The following KDM2B variants were observed in gnomAD, a reference collection of about 807,000 sequenced individuals.
KDM2B encodes the protein lysine demethylase 2B, also known as lysine-specific demethylase 2B.
KDM2B carries 26 observed loss-of-function variants against 150.0 expected under a neutral mutation model. That is an observed-to-expected ratio of 0.17 (90% CI 0.13 to 0.24). The LOEUF (loss-of-function observed/expected upper bound fraction) is 0.24, where lower values mean the gene tolerates loss of function less well. Among genes scored for constraint, KDM2B ranks in the 10% least tolerant of loss-of-function variants. The pLI, the probability that KDM2B is intolerant of heterozygous loss-of-function variation, is 1.00. For synonymous variants in KDM2B, 734 were observed against 729.5 expected (o/e 1.01, Z -0.10); for missense variants, 1,265 against 1,816.9 (o/e 0.70, Z 5.52).
chr12:121,414,009 C>T, the KDM2B span, among the ~76,000 whole-genome samples: 1 of 152,228 alleles, frequency 6.6e-6, no homozygotes, highest in Non-Finnish European at 1.5e-5. Flanking sequence ...CTTCTCCTTT[C>T]TTTATAATAC....
Position 121,467,088 on chromosome 12 carries a change from G to A in KDM2B, c.1735-13744C>T, listed in dbSNP as rs1169943730. On this transcript the variant is annotated intron_variant, in intron 12 of 22. Coordinates refer to ENST00000377071, the MANE Select transcript of KDM2B (RefSeq NM_032590.5). The surrounding 1 kb of genome is among the most constrained non-coding windows in gnomAD (Gnocchi z 5.1). ...CGGCGGCGGCGTCGCGGCCGCCCTCGGCGCGTCAGACAGGCGGTCGGGAGG... is the reference window on the plus strand; with the variant it reads ...CGGCGGCGGCGTCGCGGCCGCCCTCAGCGCGTCAGACAGGCGGTCGGGAGG... 2.5e-5 allele frequency: 24 copies of A among 950,670 alleles called. No individual in the cohort carries two copies. The South Asian group carries it at 4.0e-4, about 16-fold the overall frequency. The allele number at this position is 950,670 out of a possible 1,614,324, so 58.9% of individuals were successfully genotyped here. A position where few individuals can be genotyped will look rare whatever the true frequency, so the allele number is the denominator to read the frequency against.
At chr12:121,478,337 C>T (rs1448209271) in intron 12 of KDM2B, among the ~76,000 whole-genome samples, 12 of 150,316 alleles carry the variant, frequency 8.0e-5, no homozygotes, top group Admixed American at 7.4e-4. Context: ...CCCTCTCCTG[C>T]CTACCTCCAC....
intron 4 of KDM2B, among the ~76,000 whole-genome samples, chr12:121,573,587 CT>C (rs35286174): frequency 0.34 from 47,208 of 139,794 alleles, 7,935 homozygotes; most frequent in East Asian, 0.56. Flanking sequence ...CTGTTTACTT[CT>C]TTTTTTTTTT....
At chr12:121,436,225 C>A (rs1338657877) in intron 22 of KDM2B, among the ~76,000 whole-genome samples, 3 of 152,186 alleles carry the variant, frequency 2.0e-5, no homozygotes, top group Non-Finnish European at 4.4e-5. Context: ...ACTAAAAACT[C>A]AGTGTATAAG....
At chr12:121,464,316 G>T (rs782253091) in intron 12 of KDM2B, among the ~76,000 whole-genome samples, 20 of 152,246 alleles carry the variant, frequency 1.3e-4, no homozygotes, top group Non-Finnish European at 2.5e-4. Flanking sequence ...GCAAGCTGAA[G>T]AATTTTCTGA....
rs577827028 is a variant in KDM2B at position 121,453,866 on chromosome 12, C to T, written c.1735-522G>A. 7.2e-5 allele frequency among the ~76,000 whole-genome samples: 11 copies of T among 152,186 alleles called. No individual in the cohort carries two copies. The highest frequency in any genetic ancestry group is 1.0e-4 in the Non-Finnish European group (7 of 68,020). ...AGCCCTAGGAGAGGACGACAGAGGG[C>T]GCGTGCTTCTTGCCGCAGCACACAG... is the stretch of plus-strand genomic sequence containing the variant. On this transcript the variant is annotated intron_variant, in intron 12 of 22. Transcript: ENST00000377071. The surrounding 1 kb of genome is among the most constrained non-coding windows in gnomAD (Gnocchi z 6.4).
At position 121,439,671 on chromosome 12, in the gene KDM2B, C is replaced by T. The variant is rs1051888408; in HGVS notation, c.3829+186G>A. On this transcript the variant is annotated intron_variant, in intron 22 of 22. Coordinates refer to ENST00000377071, the MANE Select transcript of KDM2B (RefSeq NM_032590.5). ...CTGGGATTACGGGCGTGAGCTACCGCACCCGGCCAACAGTAACTCTTTGTT... is the reference window on the plus strand; with the variant it reads ...CTGGGATTACGGGCGTGAGCTACCGTACCCGGCCAACAGTAACTCTTTGTT... Among the ~76,000 whole-genome samples the T allele has an allele frequency of 6.6e-5, 10 of 152,316 alleles. No homozygotes were observed. The South Asian group carries it at 1.9e-3, about 28-fold the overall frequency.
At chr12:121,524,723 G>A (rs976029108) in intron 8 of KDM2B, 3 of 453,092 alleles carry the variant, frequency 6.6e-6, no homozygotes, top group Non-Finnish European at 1.3e-5. Context: ...GAGAGCCGGT[G>A]CTCCCAGGCT....
At chr12:121,483,718 C>CA (rs1468199067) in intron 12 of KDM2B, among the ~76,000 whole-genome samples, 7 of 23,852 alleles carry the variant, frequency 2.9e-4, no homozygotes, top group East Asian at 1.9e-3. Flanking sequence ...ACAACAACAA[C>CA]ACACACACAC....
At chr12:121,464,135 A>G (rs1593837866) in intron 12 of KDM2B, among the ~76,000 whole-genome samples, 1 of 152,182 alleles carries the variant, frequency 6.6e-6, no homozygotes, top group Non-Finnish European at 1.5e-5. Context: ...CAGGAGGCTG[A>G]GGCAGGAGGA....
At position 121,467,542 on chromosome 12, in the gene KDM2B, C is replaced by T. The variant is rs1880228237; in HGVS notation, c.1735-14198G>A. ...CGGCCTGCGGTGACACGGGGGCGGG[C>T]CGCCGAGGGCGGTCCCTCGCGGCCG... On this transcript the variant is annotated intron_variant, in intron 12 of 22. Transcript: ENST00000377071. The surrounding 1 kb of genome is among the most constrained non-coding windows in gnomAD (Gnocchi z 5.1). The T allele has an allele frequency of 6.1e-6, 1 of 162,688 alleles. No homozygotes were observed. Among genetic ancestry groups the T allele is most frequent in the Non-Finnish European group, 1.2e-5 (1 of 80,324 alleles). 10.1% of individuals were successfully genotyped at this position (162,688 alleles called of 1,614,324 possible).
rs199793423 is a variant in KDM2B, at chr12:121,510,033, G to C, written c.1181C>G (p.Pro394Arg). The change falls in exon 11 of 23, where the codon CCG becomes CGG. Residue 394 changes from proline (P) to arginine (R), a missense_variant. Transcript: ENST00000377071. ...YQRESMLIDAPRKPSIDGFSS... is the reference protein window; with the variant it reads ...YQRESMLIDARRKPSIDGFSS... Reference sequence around the variant, plus strand: ...GAAGCCGTCTATGCTGGGCTTCCTCGGGGCATCTGTGGGGGCAGGGTCACA... The same window carrying C: ...GAAGCCGTCTATGCTGGGCTTCCTCCGGGCATCTGTGGGGGCAGGGTCACA... 3.9e-5 allele frequency: 60 copies of C among 1,546,120 alleles called. No individual in the cohort carries two copies. The highest frequency in any genetic ancestry group is 5.1e-5 in the Non-Finnish European group (58 of 1,148,472).
intron 4 of KDM2B, among the ~76,000 whole-genome samples, chr12:121,554,033 CCACACACACACACACACACACACA>C (rs56659514): frequency 1.6e-5 from 2 of 122,142 alleles, no homozygotes; most frequent in Non-Finnish European, 1.7e-5. Flanking sequence ...CACCCCAGCT[CCACACACACACACACACACACACA>C]CACACACACA....
Position 121,463,455 on chromosome 12 carries a change from G to C in KDM2B, c.1735-10111C>G, listed in dbSNP as rs111355037. Reference sequence around the variant, plus strand: ...CTGCACGTTCTGCACATGTATCCGAGAACTTAAAGTAAAATAAAATAGCTA... The same window carrying C: ...CTGCACGTTCTGCACATGTATCCGACAACTTAAAGTAAAATAAAATAGCTA... On this transcript the variant is annotated intron_variant, in intron 12 of 22. Transcript: ENST00000377071. Among the ~76,000 whole-genome samples the C allele has an allele frequency of 4.8e-3, 734 of 152,258 alleles. 4 individuals are homozygous for C. Among genetic ancestry groups the C allele is most frequent in the African/African-American group, 0.016 (660 of 41,548 alleles).
Position 121,518,113 on chromosome 12 carries a change from G to A in KDM2B, c.1047+2872C>T, listed in dbSNP as rs528098436. On this transcript the variant is annotated intron_variant, in intron 9 of 22. Coordinates refer to ENST00000377071, the MANE Select transcript of KDM2B (RefSeq NM_032590.5). This position sits in a 1 kb window ranked among gnomAD's most constrained non-coding sequence, Gnocchi z 4.4. ...TCACCATGTTGGTCAGGCTGGTCTCGAACCCCTGACCTCAGATCATCCGCC... is the reference window on the plus strand; with the variant it reads ...TCACCATGTTGGTCAGGCTGGTCTCAAACCCCTGACCTCAGATCATCCGCC... Among the ~76,000 whole-genome samples, 33 of 151,662 alleles carry A rather than the reference G, an allele frequency of 2.2e-4. No individual in the cohort carries two copies. Among genetic ancestry groups the A allele is most frequent in the Non-Finnish European group, 3.4e-4 (23 of 67,920 alleles).
At chr12:121,579,943 C>CAAAAAAAAAAAAA in intron 1 of KDM2B, 1 of 1,107,260 alleles carries the variant, frequency 9.0e-7, no homozygotes, top group Non-Finnish European at 1.1e-6. Context: ...GAGAAACAAC[C>CAAAAAAAAAAAAA]AAAAAAAAAA....
chr12:121,472,819 CA>C (rs1185233410), intron 12 of KDM2B, among the ~76,000 whole-genome samples: 1 of 152,174 alleles, frequency 6.6e-6, no homozygotes, highest in Non-Finnish European at 1.5e-5. Context: ...TTGAATGACA[CA>C]AGTGGGTTCA....
intron 12 of KDM2B, among the ~76,000 whole-genome samples, chr12:121,489,870 G>C (rs1188307294): frequency 2.6e-5 from 4 of 152,156 alleles, no homozygotes; most frequent in Non-Finnish European, 4.4e-5. Context: ...CACCAGCCTG[G>C]GGACTGGTCC....
At chr12:121,574,100 G>A (rs1555316444) in intron 4 of KDM2B, among the ~76,000 whole-genome samples, 1 of 152,162 alleles carries the variant, frequency 6.6e-6, no homozygotes, top group Non-Finnish European at 1.5e-5. Flanking sequence ...GGTGCTCAGG[G>A]AGCTCATGTG....
Sources: gnomAD v4.1 joint callset for allele counts (sites outside exome capture counted in the v4.1 genomes callset) on GRCh38, gnomAD v4.1.1 for gene constraint, Gnocchi (gnomAD v3.1) non-coding constraint, MANE v1.5 for transcripts, NCBI Gene and HGNC (gene_info 2026-07-23, HGNC 2026-07-21) for gene names.